WDR27: variants seen among roughly 807,000 people sequenced by gnomAD.
WDR27 encodes WD repeat domain 27, also known as WD repeat-containing protein 27.
WDR27 carries 100 observed loss-of-function variants against 114.4 expected under a neutral mutation model. The observed-to-expected ratio is 0.87, with a 90% CI of 0.74 to 1.03. The LOEUF (loss-of-function observed/expected upper bound fraction) is 1.03. Among genes scored for constraint, WDR27 ranks in the 50% least tolerant of loss-of-function variants. The probability of loss-of-function intolerance (pLI) is 0.00; values close to 1 mark genes in which losing one functional copy is unlikely to be tolerated. For synonymous variants in WDR27, 449 were observed against 423.1 expected, an observed-to-expected ratio of 1.06 and a Z score of -0.75; for missense variants, 1,129 against 1,092.9, an observed-to-expected ratio of 1.03 and a Z score of -0.47.
At chr6:169,562,776 T>C (rs558497905) in intron 25 of WDR27, among the ~76,000 whole-genome samples, 1 of 152,224 alleles carries the variant, frequency 6.6e-6, no homozygotes, top group South Asian at 2.1e-4. Flanking sequence ...AGAAAAAATC[T>C]GTACAATCTG....
intron 2 of WDR27, among the ~76,000 whole-genome samples, chr6:169,676,190 T>G (rs537520526): frequency 6.6e-6 from 1 of 152,262 alleles, no homozygotes; most frequent in South Asian, 2.1e-4. Context: ...ATGAGCCAAT[T>G]AAATCTCTTT....
rs372880933 is a variant in WDR27, at chr6:169,595,856, G to A, written c.2424+6363C>T. On this transcript the variant is annotated intron_variant, in intron 23 of 25. Transcript: ENST00000448612. ...CTGGCATATTCATAACTGTGTGTCT[G>A]GTTTTATACTCAAAAAAAAATTTAG... is the stretch of plus-strand genomic sequence containing the variant. Among the ~76,000 whole-genome samples the A allele has an allele frequency of 2.0e-4, 29 of 145,626 alleles. No individual in the cohort carries two copies. The East Asian group carries it at 5.6e-3, about 28-fold the overall frequency.
chr6:169,493,391 G>C (rs536690307), intron 25 of WDR27, among the ~76,000 whole-genome samples: 32 of 152,062 alleles, frequency 2.1e-4, no homozygotes, highest in Admixed American at 3.9e-4. Context: ...AAGGATATTT[G>C]CCAACGAAAA....
At chr6:169,484,969 T>G (rs1788694234) in intron 25 of WDR27, among the ~76,000 whole-genome samples, 1 of 152,224 alleles carries the variant, frequency 6.6e-6, no homozygotes, top group South Asian at 2.1e-4. Flanking sequence ...GCTAGCTATA[T>G]GCAGAAGATT....
chr6:169,516,788 A>AACACACACACAC (rs3032851), intron 25 of WDR27, among the ~76,000 whole-genome samples: 4,066 of 119,218 alleles, frequency 0.034, 127 homozygotes, highest in Non-Finnish European at 0.047. Flanking sequence ...GGCATGCTCC[A>AACACACACACAC]ACACACACAC....
At position 169,694,538 on chromosome 6, in the gene WDR27, A is replaced by G. The variant is rs1438521825; in HGVS notation, c.-7-5526T>C. 2.0e-5 allele frequency among the ~76,000 whole-genome samples: 3 copies of G among 152,368 alleles called. No homozygotes were observed. In the East Asian group the frequency reaches 5.8e-4, roughly 29 times the overall value. ...TATGAAATGTAGCAACGGTTCTTAC[A>G]TTGAGTGGAATACAATGCAGATGTT... On this transcript the variant is annotated intron_variant, in intron 1 of 25. Transcript: ENST00000448612.
chr6:169,477,568 A>G (rs1322183354), intron 25 of WDR27, among the ~76,000 whole-genome samples: 3 of 152,208 alleles, frequency 2.0e-5, no homozygotes, highest in Non-Finnish European at 4.4e-5. Flanking sequence ...CCTCCCAAGT[A>G]GTTGGGACAA....
At chr6:169,482,040 T>G (rs957216889) in intron 25 of WDR27, among the ~76,000 whole-genome samples, 2 of 152,226 alleles carry the variant, frequency 1.3e-5, no homozygotes, top group African/African-American at 4.8e-5. Context: ...CTAATAAGAA[T>G]ATGCAGTGTT....
At position 169,659,622 on chromosome 6, in the gene WDR27, C is replaced by T. The variant is rs920768747; in HGVS notation, c.1130-104G>A. 270 of 1,088,452 alleles carry T rather than the reference C, an allele frequency of 2.5e-4. No homozygotes were observed. Among genetic ancestry groups the T allele is most frequent in the Non-Finnish European group, 1.8e-5 (13 of 737,654 alleles). 67.4% of individuals were successfully genotyped at this position (1,088,452 alleles called of 1,614,324 possible). ...ACCACACACAGCCCAGAGCCCACCACACACAGTCCAGGCCCCACCACACAC... is the reference window on the plus strand; with the variant it reads ...ACCACACACAGCCCAGAGCCCACCATACACAGTCCAGGCCCCACCACACAC... On this transcript the variant is annotated intron_variant, in intron 10 of 25. Transcript: ENST00000448612. This position sits in a 1 kb window ranked among gnomAD's most constrained non-coding sequence, Gnocchi z 4.3.
At chr6:169,571,450 T>G (rs1291464169) in intron 25 of WDR27, among the ~76,000 whole-genome samples, 2 of 152,184 alleles carry the variant, frequency 1.3e-5, no homozygotes, top group African/African-American at 4.8e-5. Context: ...CTTTTCGGAC[T>G]CAAACCAGCA....
chr6:169,562,255 A>G (rs938346321), intron 25 of WDR27, among the ~76,000 whole-genome samples: 1 of 152,328 alleles, frequency 6.6e-6, no homozygotes, highest in Admixed American at 6.5e-5. Flanking sequence ...CCAGGTGTAC[A>G]CAGAACACAA....
At chr6:169,654,832 G>A (rs1454886829) in intron 13 of WDR27, among the ~76,000 whole-genome samples, 2 of 152,040 alleles carry the variant, frequency 1.3e-5, no homozygotes, top group African/African-American at 4.8e-5. Flanking sequence ...CTCAGAAGGA[G>A]GCGGCTCGCT....
chr6:169,557,600 C>T (rs1214390338), intron 25 of WDR27, among the ~76,000 whole-genome samples: 4 of 152,178 alleles, frequency 2.6e-5, no homozygotes, highest in Non-Finnish European at 5.9e-5. Flanking sequence ...CTTTCCTTTT[C>T]AATTCTTCTT....
chr6:169,493,034 G>T (rs2997881), intron 25 of WDR27, among the ~76,000 whole-genome samples: 136,298 of 152,084 alleles, frequency 0.9, 62,106 homozygotes, highest in African/African-American at 0.94. Flanking sequence ...GAAATAAGTC[G>T]GAAATTCCTT....
chr6:169,587,215 T>C (rs1584413756), intron 23 of WDR27, among the ~76,000 whole-genome samples: 1 of 49,482 alleles, frequency 2.0e-5, no homozygotes, highest in Non-Finnish European at 3.1e-5. Flanking sequence ...AAGGATTTTC[T>C]TTTTTTTTTT....
intron 22 of WDR27, among the ~76,000 whole-genome samples, chr6:169,607,326 T>C (rs1312588938): frequency 6.6e-6 from 1 of 151,550 alleles, no homozygotes. Context: ...ACCAAAGACA[T>C]GGAATCAATC....
intron 15 of WDR27, among the ~76,000 whole-genome samples, chr6:169,648,328 C>G (rs1356822093): frequency 6.6e-6 from 1 of 152,090 alleles, no homozygotes; most frequent in Admixed American, 6.5e-5. Context: ...TTTGGGGCCT[C>G]GCCACCACTG....
chr6:169,551,834 G>A lies in WDR27; in HGVS notation c.2645+20585C>T, dbSNP rs1009536795. Among the ~76,000 whole-genome samples, 12 of 151,970 alleles carry A rather than the reference G, an allele frequency of 7.9e-5. No homozygotes were observed. The East Asian group carries it at 9.7e-4, about 12-fold the overall frequency. On this transcript the variant is annotated intron_variant, in intron 25 of 25. Transcript: ENST00000448612. Reference sequence around the variant, plus strand: ...CGATTCTGGCTTTGAAGGCCAGGTCGCTTGCGTCATAACCACGCAACTCCG... The same window carrying A: ...CGATTCTGGCTTTGAAGGCCAGGTCACTTGCGTCATAACCACGCAACTCCG...
the WDR27 span, among the ~76,000 whole-genome samples, chr6:169,438,236 CTTTTTTTTTTT>C: frequency 9.5e-6 from 1 of 105,456 alleles, no homozygotes; most frequent in Non-Finnish European, 1.9e-5. Flanking sequence ...TTTACTTTTT[CTTTTTTTTTTT>C]TTTTTTTTGA....
Sources: allele counts gnomAD v4.1 joint callset (sites outside exome capture counted in the v4.1 genomes callset), GRCh38; gene constraint gnomAD v4.1.1; non-coding constraint Gnocchi (gnomAD v3.1); transcripts MANE v1.5; gene names NCBI Gene and HGNC (gene_info 2026-07-23, HGNC 2026-07-21).